NKAIN2: variants seen among roughly 807,000 people sequenced by gnomAD.
The protein encoded by NKAIN2 is sodium/potassium-transporting ATPase subunit beta-1-interacting protein 2.
A neutral mutation model predicts 32.6 loss-of-function variants in NKAIN2; 14 were observed. That is an observed-to-expected ratio of 0.43 (90% CI 0.28 to 0.67). The LOEUF is 0.67. Ranked by LOEUF, NKAIN2 falls within the 30% of genes least tolerant of loss-of-function variation. NKAIN2 has a pLI of 0.17. For missense variants in NKAIN2, 198 were observed against 258.3 expected, an observed-to-expected ratio of 0.77 and a Z score of 1.60; for synonymous variants, 80 against 87.2, an observed-to-expected ratio of 0.92 and a Z score of 0.46.
At chr6:124,645,945 C>A (rs999978406) in intron 3 of NKAIN2, among the ~76,000 whole-genome samples, 2 of 152,120 alleles carry the variant, frequency 1.3e-5, no homozygotes, top group Non-Finnish European at 2.9e-5. Context: ...CTCACCCTCA[C>A]CCAGTTCTTG....
intron 5 of NKAIN2, among the ~76,000 whole-genome samples, chr6:124,803,419 G>A (rs895275208): frequency 6.6e-6 from 1 of 152,180 alleles, no homozygotes; most frequent in Non-Finnish European, 1.5e-5. Flanking sequence ...TCACTGGACA[G>A]TTCCTTTTGC....
intron 3 of NKAIN2, among the ~76,000 whole-genome samples, chr6:124,640,348 T>C (rs1486043543): frequency 6.6e-6 from 1 of 152,162 alleles, no homozygotes; most frequent in Non-Finnish European, 1.5e-5. Context: ...CACATAAATA[T>C]GCTTTTAAAA....
At chr6:123,970,100 T>C (rs1254336634) in intron 1 of NKAIN2, among the ~76,000 whole-genome samples, 1 of 146,032 alleles carries the variant, frequency 6.8e-6, no homozygotes, top group African/African-American at 2.5e-5. Context: ...AAAATACTGA[T>C]TATTAAATGG....
At chr6:124,712,900 A>G (rs1306165755) in intron 4 of NKAIN2, among the ~76,000 whole-genome samples, 1 of 152,070 alleles carries the variant, frequency 6.6e-6, no homozygotes, top group African/African-American at 2.4e-5. Flanking sequence ...CTCACTATAT[A>G]ATAGAGATCA....
At chr6:124,504,338 A>G (rs1778397162) in intron 3 of NKAIN2, among the ~76,000 whole-genome samples, 1 of 152,130 alleles carries the variant, frequency 6.6e-6, no homozygotes, top group African/African-American at 2.4e-5. Flanking sequence ...ACATCTATAA[A>G]GTTTCCTTTG....
intron 4 of NKAIN2, among the ~76,000 whole-genome samples, chr6:124,690,513 G>T (rs1394039166): frequency 6.6e-6 from 1 of 152,030 alleles, no homozygotes; most frequent in Non-Finnish European, 1.5e-5. Flanking sequence ...TTATATTCCT[G>T]GTCTTAGGAA....
At chr6:124,132,412 G>T (rs1367543991) in intron 1 of NKAIN2, among the ~76,000 whole-genome samples, 1 of 152,172 alleles carries the variant, frequency 6.6e-6, no homozygotes, top group Non-Finnish European at 1.5e-5. Context: ...TACTTCCCCT[G>T]GGTAACTTAG....
chr6:124,166,350 T>A (rs1788541252), intron 1 of NKAIN2, among the ~76,000 whole-genome samples: 1 of 152,224 alleles, frequency 6.6e-6, no homozygotes, highest in Non-Finnish European at 1.5e-5. Flanking sequence ...CTTCGCCCAC[T>A]TGTTGATGGG....
chr6:124,251,980 T>C (rs1473832062), intron 1 of NKAIN2, among the ~76,000 whole-genome samples: 1 of 152,070 alleles, frequency 6.6e-6, no homozygotes, highest in Non-Finnish European at 1.5e-5. Flanking sequence ...TTATCCTGAT[T>C]TGATCACTAT....
At chr6:124,522,513 A>G (rs1284045744) in intron 3 of NKAIN2, among the ~76,000 whole-genome samples, 1 of 152,148 alleles carries the variant, frequency 6.6e-6, no homozygotes, top group Non-Finnish European at 1.5e-5. Flanking sequence ...GGATGTTGCC[A>G]TTGAGCTTAT....
intron 1 of NKAIN2, among the ~76,000 whole-genome samples, chr6:124,047,658 C>T (rs1782208074): frequency 6.6e-6 from 1 of 151,984 alleles, no homozygotes. Flanking sequence ...GTAGTATCAG[C>T]TCTGGCACCC....
chr6:123,912,739 A>G (rs569038540), intron 1 of NKAIN2, among the ~76,000 whole-genome samples: 2 of 152,314 alleles, frequency 1.3e-5, no homozygotes, highest in African/African-American at 4.8e-5. Context: ...AGATGCTGGC[A>G]CCATGTTTCT....
At chr6:124,335,599 T>G (rs998530895) in intron 2 of NKAIN2, among the ~76,000 whole-genome samples, 1 of 152,112 alleles carries the variant, frequency 6.6e-6, no homozygotes, top group African/African-American at 2.4e-5. Context: ...ACTATGCTTA[T>G]TCAAAAAAAT....
intron 1 of NKAIN2, among the ~76,000 whole-genome samples, chr6:124,226,885 A>G (rs1302002060): frequency 3.3e-5 from 5 of 152,272 alleles, no homozygotes; most frequent in Admixed American, 1.3e-4. Flanking sequence ...GCACTTACAC[A>G]CAGGAATCTT....
intron 3 of NKAIN2, among the ~76,000 whole-genome samples, chr6:124,412,266 T>G (rs1274239913): frequency 6.6e-6 from 1 of 152,134 alleles, no homozygotes; most frequent in Admixed American, 6.5e-5. Context: ...ATTTTAGAGT[T>G]TCTGGTTTTT....
Position 123,911,809 on chromosome 6 carries a change from A to ATATATATATATATATG in NKAIN2, c.54+107559_54+107560insTATATATATATGTATA, listed in dbSNP as rs1554222371. ...TATATATATATATATATGTATATAT[A>ATATATATATATATATG]TATACACACACACACACACACACAC... On this transcript the variant is annotated intron_variant, in intron 1 of 6. Transcript: ENST00000368417. Among the ~76,000 whole-genome samples, 8 of 102,010 alleles carry ATATATATATATATATG rather than the reference A, an allele frequency of 7.8e-5. 1 individual carries two copies. Among genetic ancestry groups the ATATATATATATATATG allele is most frequent in the African/African-American group, 3.7e-4 (8 of 21,366 alleles). 66.9% of individuals were successfully genotyped at this position (102,010 alleles called of 152,430 possible).
intron 1 of NKAIN2, among the ~76,000 whole-genome samples, chr6:124,111,793 G>A (rs1454143059): frequency 6.6e-6 from 1 of 151,256 alleles, no homozygotes; most frequent in Non-Finnish European, 1.5e-5. Context: ...TTTTGGTATT[G>A]TTATGCCTCA....
chr6:124,213,399 T>G (rs983183285), intron 1 of NKAIN2, among the ~76,000 whole-genome samples: 3 of 152,128 alleles, frequency 2.0e-5, no homozygotes, highest in African/African-American at 7.2e-5. Flanking sequence ...AACAAATATT[T>G]TTATTTCTGT....
intron 1 of NKAIN2, among the ~76,000 whole-genome samples, chr6:123,968,180 CA>C (rs1024227797): frequency 6.6e-6 from 1 of 152,040 alleles, no homozygotes; most frequent in African/African-American, 2.4e-5. Flanking sequence ...CACTGTGAGG[CA>C]GGGGGAAAAG....
Sources: allele counts gnomAD v4.1 joint callset (sites outside exome capture counted in the v4.1 genomes callset), GRCh38; gene constraint gnomAD v4.1.1; transcripts MANE v1.5; gene names NCBI Gene and HGNC (gene_info 2026-07-23, HGNC 2026-07-21).